Variants in GRHL3 observed in about 807,000 individuals in gnomAD.
GRHL3 encodes the protein grainyhead like transcription factor 3.
A neutral mutation model predicts 70.3 loss-of-function variants in GRHL3; 20 were observed. That is an observed-to-expected ratio of 0.28 (90% CI 0.20 to 0.41). GRHL3 has a LOEUF of 0.41. GRHL3 is among the 10% of genes least tolerant of loss of function. GRHL3 has a pLI of 1.00. For missense variants in GRHL3, 637 were observed against 762.3 expected (o/e 0.84, Z 1.94); for synonymous variants, 299 against 299.9 (o/e 1.00, Z 0.03).
chr1:24,345,634 C>T (rs1557703044), intron 12 of GRHL3, among the ~76,000 whole-genome samples: 3 of 152,172 alleles, frequency 2.0e-5, no homozygotes, highest in African/African-American at 7.2e-5. Context: ...AACCCTCCAT[C>T]TCCTTCCCCA....
Position 24,342,350 on chromosome 1 carries a change from G to A in GRHL3, c.1206+77G>A, listed in dbSNP as rs1182570585. 1.6e-5 allele frequency: 20 copies of A among 1,272,398 alleles called. No homozygotes were observed. Among genetic ancestry groups the A allele is most frequent in the Non-Finnish European group, 2.1e-5 (19 of 911,488 alleles). The allele number at this position is 1,272,398 out of a possible 1,614,324, so 78.8% of individuals were successfully genotyped here. ...AAACCCTGACCCGTGCGTCCTCCTA[G>A]CTTCTCTGGGTTGTCTGTCTCTCTC... is the stretch of plus-strand genomic sequence containing the variant. On this transcript the variant is annotated intron_variant, in intron 9 of 15. Coordinates refer to ENST00000361548, the MANE Select transcript of GRHL3 (RefSeq NM_198173.3). This position sits in a 1 kb window ranked among gnomAD's most constrained non-coding sequence, Gnocchi z 4.8.
downstream of GRHL3, chr1:24,355,432 T>C (rs1368944579): frequency 1.3e-5 from 2 of 152,206 alleles, no homozygotes; most frequent in East Asian, 3.9e-4. Flanking sequence ...GGAGAACGGG[T>C]TGCCCTGGAC....
At chr1:24,353,690 G>A (rs972534630) in intron 15 of GRHL3, among the ~76,000 whole-genome samples, 2 of 152,116 alleles carry the variant, frequency 1.3e-5, no homozygotes, top group African/African-American at 4.8e-5. Flanking sequence ...CATCTTGGTG[G>A]GTCCTTCATC....
intron 15 of GRHL3, among the ~76,000 whole-genome samples, chr1:24,352,145 G>T (rs1640538666): frequency 6.6e-6 from 1 of 152,120 alleles, no homozygotes; most frequent in Admixed American, 6.5e-5. Context: ...TCAGCCCCAG[G>T]ACTGTCTGAA....
chr1:24,355,494 T>A (rs138482566), downstream of GRHL3, among the ~76,000 whole-genome samples: 210 of 152,270 alleles, frequency 1.4e-3, 1 homozygote, highest in African/African-American at 4.9e-3. Context: ...GTGCCCCCTC[T>A]GGAAGGCAGC....
At chr1:24,354,184 T>C (rs1413856686) in intron 15 of GRHL3, among the ~76,000 whole-genome samples, 190 bp from the exon 16 acceptor site, 2 of 151,724 alleles carry the variant, frequency 1.3e-5, no homozygotes, top group East Asian at 3.9e-4. Context: ...CCACTGGGCA[T>C]TGTGCAGTAA....
rs111363131 is a variant in GRHL3 at position 24,336,563 on chromosome 1, C to T, written c.348C>T (p.Asn116=). ...PTHLMKFLTE[N]VSGTPEYPDL... ...ACCTCATGAAATTCCTGACAGAGAA[C>T]GTGTCTGGAACCCCAGAGTACCCAG... Residue 116 remains asparagine (N), a synonymous_variant, in exon 4 of 16, where the codon AAC becomes AAT. Coordinates refer to ENST00000361548, the MANE Select transcript of GRHL3 (RefSeq NM_198173.3). 6.9e-5 allele frequency: 112 copies of T among 1,613,596 alleles called. No individual in the cohort carries two copies. The African/African-American group carries it at 7.2e-4, about 10-fold the overall frequency.
chr1:24,342,223 G>A lies in GRHL3; in HGVS notation c.1156G>A (p.Glu386Lys). 6.2e-7 allele frequency: 1 copy of A among 1,613,416 alleles called. No individual in the cohort carries two copies. Among genetic ancestry groups the A allele is most frequent in the Admixed American group, 1.7e-5 (1 of 59,902 alleles). ...IDTYDCGLGT[E>K]RLVHRAVCQI... ...CACCTATGACTGTGGCTTGGGCACT[G>A]AGCGCCTGGTACACCGTGCTGTCTG... The change falls in exon 9 of 16, where the codon GAG (glutamate) becomes AAG (lysine). Residue 386 changes from glutamate to lysine, a missense_variant. This residue lies in a region of GRHL3 where 387 missense variants were observed against 513.8 expected (regional missense o/e 0.75). Transcript: ENST00000361548. The surrounding 1 kb of genome is among the most constrained non-coding windows in gnomAD (Gnocchi z 4.8).
In GRHL3 at chr1:24,334,205, G is replaced by A. The variant is rs7514197; in HGVS notation, c.205-440G>A. ...AGCAAGTGTATTAGTCTGTTCTCACGCTGCTAATAAAGACATACCCAGGAC... is the reference window on the plus strand; with the variant it reads ...AGCAAGTGTATTAGTCTGTTCTCACACTGCTAATAAAGACATACCCAGGAC... On this transcript the variant is annotated intron_variant, in intron 2 of 15. Transcript: ENST00000361548. This position sits in a 1 kb window ranked among gnomAD's most constrained non-coding sequence, Gnocchi z 4.3. Among the ~76,000 whole-genome samples the A allele has an allele frequency of 0.022, 3,412 of 152,208 alleles. 128 individuals carry two copies. Among genetic ancestry groups the A allele is most frequent in the African/African-American group, 0.078 (3,232 of 41,518 alleles).
Position 24,322,298 on chromosome 1 carries a change from A to G in GRHL3, c.17+2730A>G, listed in dbSNP as rs888824259. Among the ~76,000 whole-genome samples, 1 of 151,916 alleles carries G rather than the reference A, an allele frequency of 6.6e-6. No individual in the cohort carries two copies. The highest frequency in any genetic ancestry group is 6.5e-5 in the Admixed American group (1 of 15,272). On this transcript the variant is annotated intron_variant, in intron 1 of 15. Coordinates refer to ENST00000361548, the MANE Select transcript of GRHL3 (RefSeq NM_198173.3). This position sits in a 1 kb window ranked among gnomAD's most constrained non-coding sequence, Gnocchi z 4.4. The stretch of plus-strand genomic sequence containing the variant: ...GACGCGACTCGGTTGGGGGAAGGGG[A>G]CTAGAACCGTCGCAGTCCTGACCGC...
chr1:24,354,498 A>G lies in GRHL3; in HGVS notation c.*10A>G. The G allele has an allele frequency of 6.3e-7, 1 of 1,578,016 alleles. No homozygotes were observed. Among genetic ancestry groups the G allele is most frequent in the Non-Finnish European group, 8.7e-7 (1 of 1,147,122 alleles). On this transcript the variant is annotated 3_prime_UTR_variant, in exon 16 of 16. Coordinates refer to ENST00000361548, the MANE Select transcript of GRHL3 (RefSeq NM_198173.3). The stretch of plus-strand genomic sequence containing the variant: ...CCTTAAGGAGCTGTAAGGCCTCTCG[A>G]GCATCCAAACCCTCACGACCTGCAA...
chr1:24,326,294 T>C (rs1196740153), intron 1 of GRHL3, among the ~76,000 whole-genome samples: 1 of 152,082 alleles, frequency 6.6e-6, no homozygotes, highest in Non-Finnish European at 1.5e-5. Flanking sequence ...TTTCCTTTGA[T>C]CTGGAAGGTC....
intron 15 of GRHL3, among the ~76,000 whole-genome samples, chr1:24,353,165 T>C (rs577991917): frequency 6.6e-6 from 1 of 152,186 alleles, no homozygotes; most frequent in Non-Finnish European, 1.5e-5. Flanking sequence ...CTTAGACAAA[T>C]AACTTTGTTT....
rs111853747 is a variant in GRHL3, at chr1:24,334,367, G to A, written c.205-278G>A. 1.3e-5 allele frequency among the ~76,000 whole-genome samples: 2 copies of A among 152,042 alleles called. No individual in the cohort carries two copies. Among genetic ancestry groups the A allele is most frequent in the East Asian group, 1.9e-4 (1 of 5,192 alleles). On this transcript the variant is annotated intron_variant, in intron 2 of 15. Transcript: ENST00000361548. This position sits in a 1 kb window ranked among gnomAD's most constrained non-coding sequence, Gnocchi z 4.3. ...CATGGCGGCAGCAAGGAAAAGTCCC[G>A]AGCGAAAGGGAGAAAGCCCTCTTAT...
At chr1:24,356,242 T>C (rs1640714476), downstream of GRHL3, among the ~76,000 whole-genome samples, 1 of 150,310 alleles carries the variant, frequency 6.7e-6, no homozygotes, top group African/African-American at 2.5e-5. Context: ...GCCTCATTTA[T>C]CTTTTTTTTT....
At chr1:24,323,343 G>A (rs980153974) in intron 1 of GRHL3, among the ~76,000 whole-genome samples, 3 of 152,114 alleles carry the variant, frequency 2.0e-5, no homozygotes, top group African/African-American at 7.2e-5. Context: ...CTGGGGGTAT[G>A]GCTCAGCGTT....
intron 1 of GRHL3, among the ~76,000 whole-genome samples, chr1:24,330,223 C>T (rs1391840447): frequency 6.6e-6 from 1 of 152,190 alleles, no homozygotes; most frequent in African/African-American, 2.4e-5. Context: ...GGGATGATAA[C>T]ATTAAAAATC....
intron 3 of GRHL3, among the ~76,000 whole-genome samples, chr1:24,335,290 G>A (rs1350704858): frequency 6.6e-6 from 1 of 152,228 alleles, no homozygotes; most frequent in Non-Finnish European, 1.5e-5. Context: ...CCTGGCATTA[G>A]TGCCCCAGGG....
rs1237880708 is a variant in GRHL3, at chr1:24,342,487, T to C, written c.1207-207T>C. Among the ~76,000 whole-genome samples, 11 of 152,198 alleles carry C rather than the reference T, an allele frequency of 7.2e-5. No homozygotes were observed. Among genetic ancestry groups the C allele is most frequent in the Admixed American group, 7.2e-4 (11 of 15,286 alleles). ...GTCTTCTGTCTGTCCGCCTCTCTCA[T>C]GGCCTGTAGTGACCTCAGGCAAGCA... On this transcript the variant is annotated intron_variant, in intron 9 of 15. Coordinates refer to ENST00000361548, the MANE Select transcript of GRHL3 (RefSeq NM_198173.3). This position sits in a 1 kb window ranked among gnomAD's most constrained non-coding sequence, Gnocchi z 4.8.
Sources: allele counts gnomAD v4.1 joint callset (sites outside exome capture counted in the v4.1 genomes callset), GRCh38; gene constraint gnomAD v4.1.1; regional missense constraint gnomAD v4.1.1; non-coding constraint Gnocchi (gnomAD v3.1); transcripts MANE v1.5; gene names NCBI Gene and HGNC (gene_info 2026-07-23, HGNC 2026-07-21).